Variants in KAZN observed in about 807,000 individuals in gnomAD.
KAZN encodes the protein kazrin.
In KAZN, 40 loss-of-function variants were observed where a neutral mutation model predicts 87.4. That is an observed-to-expected ratio of 0.46 (90% CI 0.36 to 0.60). The LOEUF is 0.60. Ranked by LOEUF, KAZN falls within the 20% of genes least tolerant of loss-of-function variation. The pLI, the probability that KAZN is intolerant of heterozygous loss-of-function variation, is 0.00. For missense variants in KAZN, 898 were observed against 1,073.9 expected (o/e 0.84, Z 2.29); for synonymous variants, 466 against 458.3 (o/e 1.02, Z -0.22).
intron 1 of KAZN, among the ~76,000 whole-genome samples, chr1:13,933,717 T>C (rs765844165): frequency 2.6e-5 from 4 of 152,362 alleles, no homozygotes; most frequent in Admixed American, 6.5e-5. Flanking sequence ...AAATCATTCA[T>C]CGAGTACTTG....
At chr1:14,003,414 T>C (rs1639893099) in intron 1 of KAZN, among the ~76,000 whole-genome samples, 1 of 151,590 alleles carries the variant, frequency 6.6e-6, no homozygotes, top group South Asian at 2.1e-4. Context: ...CAAGGCAATC[T>C]AGCCAGCACT....
At chr1:14,968,972 TGA>T (rs1488039869) in intron 2 of KAZN, among the ~76,000 whole-genome samples, 1 of 152,190 alleles carries the variant, frequency 6.6e-6, no homozygotes, top group Admixed American at 6.5e-5. Flanking sequence ...GGCCTGTAGA[TGA>T]GAGTCTATCC....
chr1:15,019,538 G>A (rs998214270), intron 2 of KAZN, among the ~76,000 whole-genome samples: 1 of 152,158 alleles, frequency 6.6e-6, no homozygotes, highest in South Asian at 2.1e-4. Context: ...ACAAGCGCCC[G>A]CCACCACGCC....
intron 1 of KAZN, among the ~76,000 whole-genome samples, chr1:14,745,365 T>C (rs1313349600): frequency 6.6e-6 from 1 of 152,060 alleles, no homozygotes; most frequent in Non-Finnish European, 1.5e-5. Context: ...GGAATGATAG[T>C]ACAAGAAGGT....
At chr1:14,436,622 G>A (rs12035873) in intron 2 of KAZN, among the ~76,000 whole-genome samples, 1 of 150,930 alleles carries the variant, frequency 6.6e-6, no homozygotes, top group East Asian at 2.0e-4. Context: ...AGAAGCTGAG[G>A]CAGGAGGATC....
chr1:14,289,821 G>T (rs2100742377), intron 2 of KAZN, among the ~76,000 whole-genome samples: 1 of 152,336 alleles, frequency 6.6e-6, no homozygotes, highest in African/African-American at 2.4e-5. Flanking sequence ...GCTGGTACCA[G>T]TTGTTCCTTT....
At chr1:14,310,918 C>T (rs1655242268) in intron 2 of KAZN, among the ~76,000 whole-genome samples, 2 of 152,156 alleles carry the variant, frequency 1.3e-5, no homozygotes, top group Non-Finnish European at 2.9e-5. Context: ...AAAGGAAGCC[C>T]ACAACAATGA....
chr1:14,984,757 G>A (rs1016058938), intron 2 of KAZN, among the ~76,000 whole-genome samples: 1 of 152,142 alleles, frequency 6.6e-6, no homozygotes, highest in Non-Finnish European at 1.5e-5. Context: ...TGCATTCAAA[G>A]ACAGATGGGT....
intron 1 of KAZN, among the ~76,000 whole-genome samples, chr1:14,933,684 T>C (rs1418140294): frequency 6.6e-6 from 1 of 152,142 alleles, no homozygotes. Context: ...CAGGCTGGTG[T>C]GCAAGGGCTG....
chr1:15,033,551 C>CT (rs1671951040), intron 2 of KAZN, among the ~76,000 whole-genome samples: 1 of 152,204 alleles, frequency 6.6e-6, no homozygotes, highest in African/African-American at 2.4e-5. Context: ...CATGAGGATT[C>CT]CAGTTTCTCC....
At chr1:13,981,100 T>C (rs1392986583) in intron 1 of KAZN, among the ~76,000 whole-genome samples, 1 of 131,004 alleles carries the variant, frequency 7.6e-6, no homozygotes, top group African/African-American at 2.8e-5. Context: ...TATATATATA[T>C]ATATATATAT....
intron 1 of KAZN, among the ~76,000 whole-genome samples, chr1:13,962,715 G>T (rs111268089): frequency 0.015 from 2,354 of 152,142 alleles, 64 homozygotes; most frequent in African/African-American, 0.053. Flanking sequence ...GCACCACCAC[G>T]CCTGGCTAAG....
intron 1 of KAZN, among the ~76,000 whole-genome samples, chr1:13,986,280 C>A (rs1011740979): frequency 5.6e-4 from 85 of 152,136 alleles, no homozygotes; most frequent in African/African-American, 1.9e-3. Context: ...GCATTAGGAA[C>A]AAATCTTGTA....
intron 1 of KAZN, among the ~76,000 whole-genome samples, chr1:13,931,406 A>G (rs756370135): frequency 8.6e-5 from 13 of 152,002 alleles, no homozygotes; most frequent in Non-Finnish European, 1.5e-4. Flanking sequence ...GACTGCAGCA[A>G]ATTGCTTCTT....
At chr1:15,108,389 G>A (rs1048931709) in intron 13 of KAZN, among the ~76,000 whole-genome samples, 5 of 152,222 alleles carry the variant, frequency 3.3e-5, no homozygotes, top group Non-Finnish European at 7.3e-5. Flanking sequence ...CGGGGCCTTT[G>A]AGGCCACATT....
At chr1:14,550,734 T>A (rs1557793783) in intron 2 of KAZN, among the ~76,000 whole-genome samples, 4 of 78,172 alleles carry the variant, frequency 5.1e-5, no homozygotes, top group African/African-American at 1.2e-4. Flanking sequence ...TCTCTCTCTC[T>A]CTCTCCCCCA....
chr1:14,516,287 A>T (rs753564866), intron 2 of KAZN, among the ~76,000 whole-genome samples: 1 of 151,972 alleles, frequency 6.6e-6, no homozygotes, highest in Non-Finnish European at 1.5e-5. Flanking sequence ...TGTTGGCTTT[A>T]CTCTCTAACA....
intron 2 of KAZN, among the ~76,000 whole-genome samples, chr1:14,243,294 G>A (rs1393367610): frequency 6.6e-6 from 1 of 152,156 alleles, no homozygotes; most frequent in African/African-American, 2.4e-5. Flanking sequence ...CAGGCTCTCT[G>A]ATGACTAGCA....
Position 14,820,301 on chromosome 1 carries a change from A to C in KAZN, c.227-140383A>C, listed in dbSNP as rs1034817291. Among the ~76,000 whole-genome samples the C allele has an allele frequency of 2.0e-5, 3 of 152,208 alleles. No homozygotes were observed. The highest frequency in any genetic ancestry group is 7.2e-5 in the African/African-American group (3 of 41,458). Reference sequence around the variant, plus strand: ...CTAACTGTTTCCCCGCAGAGGCTTCAGGGCTTTTGAGGGTTACTTAGCCAA... The same window carrying C: ...CTAACTGTTTCCCCGCAGAGGCTTCCGGGCTTTTGAGGGTTACTTAGCCAA... On this transcript the variant is annotated intron_variant, in intron 1 of 14. Transcript: ENST00000376030. The surrounding 1 kb of genome is among the most constrained non-coding windows in gnomAD (Gnocchi z 4.1).
Sources: gnomAD v4.1 joint callset for allele counts (sites outside exome capture counted in the v4.1 genomes callset) on GRCh38, gnomAD v4.1.1 for gene constraint, Gnocchi (gnomAD v3.1) non-coding constraint, MANE v1.5 for transcripts, NCBI Gene and HGNC (gene_info 2026-07-23, HGNC 2026-07-21) for gene names.